ANKS1B: variants seen among roughly 807,000 people sequenced by gnomAD.
ANKS1B encodes ankyrin repeat and sterile alpha motif domain containing 1B.
A neutral mutation model predicts 148.3 loss-of-function variants in ANKS1B; 36 were observed. The observed-to-expected ratio is 0.24, with a 90% CI of 0.19 to 0.32. The LOEUF is 0.32. Among genes scored for constraint, ANKS1B ranks in the 10% least tolerant of loss-of-function variants. ANKS1B has a pLI of 1.00. For missense variants in ANKS1B, 1,157 were observed against 1,542.6 expected (o/e 0.75, Z 4.19); for synonymous variants, 542 against 560.8 (o/e 0.97, Z 0.47).
At chr12:99,623,339 C>G (rs2098076981) in intron 9 of ANKS1B, among the ~76,000 whole-genome samples, 1 of 151,978 alleles carries the variant, frequency 6.6e-6, no homozygotes, top group African/African-American at 2.4e-5. Flanking sequence ...TCCTTGAGAA[C>G]TGGAATCATA....
chr12:98,939,698 A>G (rs2099832927), intron 17 of ANKS1B, among the ~76,000 whole-genome samples: 1 of 152,178 alleles, frequency 6.6e-6, no homozygotes. Context: ...TGCACATTCT[A>G]ATTCCCTGGT....
At chr12:99,392,578 G>A (rs894492648) in intron 12 of ANKS1B, among the ~76,000 whole-genome samples, 2 of 152,204 alleles carry the variant, frequency 1.3e-5, no homozygotes, top group Non-Finnish European at 2.9e-5. Context: ...CTTAGCAGGT[G>A]CCCTTGAGAA....
intron 1 of ANKS1B, among the ~76,000 whole-genome samples, chr12:99,850,631 T>A (rs1237270995): frequency 6.6e-6 from 1 of 152,024 alleles, no homozygotes; most frequent in Non-Finnish European, 1.5e-5. Context: ...CATTTTATAA[T>A]CCCAAGCAGA....
At chr12:98,919,289 A>G (rs2099798288) in intron 17 of ANKS1B, among the ~76,000 whole-genome samples, 1 of 152,200 alleles carries the variant, frequency 6.6e-6, no homozygotes, top group Admixed American at 6.5e-5. Context: ...CCTGTTTCAG[A>G]AAAATCTAAT....
At chr12:99,939,038 C>T (rs1171033705) in intron 1 of ANKS1B, among the ~76,000 whole-genome samples, 5 of 152,114 alleles carry the variant, frequency 3.3e-5, no homozygotes, top group Non-Finnish European at 7.4e-5. Flanking sequence ...ATTTGGGGGC[C>T]TGCATTCATT....
intron 1 of ANKS1B, among the ~76,000 whole-genome samples, chr12:99,867,413 G>A (rs2153724290): frequency 1.3e-5 from 2 of 152,212 alleles, no homozygotes; most frequent in Non-Finnish European, 2.9e-5. Flanking sequence ...ACATACCCGA[G>A]ACTGGGAAAT....
intron 19 of ANKS1B, among the ~76,000 whole-genome samples, chr12:98,818,736 T>C (rs1180063357): frequency 1.3e-5 from 2 of 152,218 alleles, no homozygotes; most frequent in African/African-American, 4.8e-5. Flanking sequence ...CTCTTTACAA[T>C]ATACATTATA....
intron 9 of ANKS1B, among the ~76,000 whole-genome samples, chr12:99,618,504 C>A (rs2098001813): frequency 6.6e-6 from 1 of 152,066 alleles, no homozygotes; most frequent in Non-Finnish European, 1.5e-5. Context: ...TCGTGAAGGA[C>A]ACCCAAGATC....
At chr12:99,978,272 T>C (rs1446622387) in intron 1 of ANKS1B, among the ~76,000 whole-genome samples, 1 of 152,230 alleles carries the variant, frequency 6.6e-6, no homozygotes, top group East Asian at 1.9e-4. Flanking sequence ...GTGCAATGGA[T>C]GGACAGGTTG....
At chr12:99,303,454 C>A (rs2081948080) in intron 12 of ANKS1B, among the ~76,000 whole-genome samples, 1 of 151,960 alleles carries the variant, frequency 6.6e-6, no homozygotes, top group Non-Finnish European at 1.5e-5. Context: ...TTGTACTATG[C>A]CCCAACACTG....
At chr12:99,625,600 T>C (rs1441304204) in intron 9 of ANKS1B, among the ~76,000 whole-genome samples, 2 of 152,112 alleles carry the variant, frequency 1.3e-5, no homozygotes, top group Admixed American at 6.6e-5. Flanking sequence ...ATAAGAATAG[T>C]AGTTGTCCAT....
At chr12:99,454,537 T>C (rs1029456802) in intron 10 of ANKS1B, among the ~76,000 whole-genome samples, 1 of 152,200 alleles carries the variant, frequency 6.6e-6, no homozygotes, top group African/African-American at 2.4e-5. Context: ...TAAAAAGCAG[T>C]GCAATGAACA....
chr12:99,213,415 T>G (rs2083642197), intron 14 of ANKS1B, among the ~76,000 whole-genome samples: 1 of 152,230 alleles, frequency 6.6e-6, no homozygotes, highest in Non-Finnish European at 1.5e-5. Flanking sequence ...AAGTAGAAAT[T>G]GTGGCAACTC....
chr12:99,132,660 A>C (rs995726188), intron 15 of ANKS1B, among the ~76,000 whole-genome samples: 2 of 152,224 alleles, frequency 1.3e-5, no homozygotes, highest in African/African-American at 2.4e-5. Flanking sequence ...CATGAAAAAC[A>C]AAAGTAATAT....
At chr12:99,296,469 T>G (rs925355276) in intron 12 of ANKS1B, among the ~76,000 whole-genome samples, 7 of 152,192 alleles carry the variant, frequency 4.6e-5, no homozygotes, top group African/African-American at 1.7e-4. Flanking sequence ...TTCTTTTCTC[T>G]TTACAGGGAT....
intron 8 of ANKS1B, among the ~76,000 whole-genome samples, chr12:99,722,994 C>T (rs971519151): frequency 6.6e-6 from 1 of 152,206 alleles, no homozygotes; most frequent in Admixed American, 6.5e-5. Context: ...GGAAACCATG[C>T]TTTTTCCACA....
intron 1 of ANKS1B, among the ~76,000 whole-genome samples, chr12:99,881,268 A>T (rs1037129036): frequency 6.6e-6 from 1 of 152,148 alleles, no homozygotes; most frequent in Non-Finnish European, 1.5e-5. Context: ...CTCTTATATC[A>T]TCATTATTAC....
chr12:99,082,019 G>A (rs1185496329), intron 16 of ANKS1B, among the ~76,000 whole-genome samples: 1 of 152,108 alleles, frequency 6.6e-6, no homozygotes, highest in African/African-American at 2.4e-5. Flanking sequence ...CCTTGAGATA[G>A]GAACAAGGAC....
intron 10 of ANKS1B, among the ~76,000 whole-genome samples, chr12:99,468,418 C>A (rs573153387): frequency 1.3e-3 from 205 of 152,230 alleles, no homozygotes; most frequent in African/African-American, 4.9e-3. Flanking sequence ...GCAATGGCAA[C>A]GAAAGCCAAA....
Sources: gnomAD v4.1 joint callset for allele counts (sites outside exome capture counted in the v4.1 genomes callset) on GRCh38, gnomAD v4.1.1 for gene constraint, MANE v1.5 for transcripts, NCBI Gene and HGNC (gene_info 2026-07-23, HGNC 2026-07-21) for gene names.